KDR: variants seen among roughly 807,000 people sequenced by gnomAD.
KDR encodes kinase insert domain receptor.
In KDR, 43 loss-of-function variants were observed where a neutral mutation model predicts 160.9. That is an observed-to-expected ratio of 0.27 (90% CI 0.21 to 0.34). The LOEUF (loss-of-function observed/expected upper bound fraction) is 0.34, where lower values mean the gene tolerates loss of function less well. Ranked by LOEUF, KDR falls within the 10% of genes least tolerant of loss-of-function variation. The pLI is 1.00. For synonymous variants in KDR, 617 were observed against 600.1 expected, an observed-to-expected ratio of 1.03 and a Z score of -0.41; for missense variants, 1,469 against 1,666.4, an observed-to-expected ratio of 0.88 and a Z score of 2.06.
rs1158232863 is a variant in KDR, at chr4:55,079,121, C to A, written c.*820G>T. ...AGAACTCTTCAACACGGCAGGGAGC[C>A]TTGAGCTGAATGTCCTTTCTTTGTG... On this transcript the variant is annotated 3_prime_UTR_variant, in exon 30 of 30. Coordinates refer to ENST00000263923, the MANE Select transcript of KDR (RefSeq NM_002253.4). 1 of 233,236 alleles carries A rather than the reference C, an allele frequency of 4.3e-6. No individual in the cohort carries two copies. Among genetic ancestry groups the A allele is most frequent in the African/African-American group, 2.2e-5 (1 of 45,328 alleles). The allele number at this position is 233,236 out of a possible 1,614,324, so 14.4% of individuals were successfully genotyped here. A position where few individuals can be genotyped will look rare whatever the true frequency, so the allele number is the denominator to read the frequency against.
At chr4:55,085,774 G>A (rs1719847597) in intron 27 of KDR, among the ~76,000 whole-genome samples, 1 of 152,216 alleles carries the variant, frequency 6.6e-6, no homozygotes, top group South Asian at 2.1e-4. Flanking sequence ...CAGAAAATAG[G>A]AGCCAGGCCT....
In KDR at chr4:55,120,861, T is replaced by TGTGC. The variant is rs141560961; in HGVS notation, c.161+235_161+236insGCAC. 1.2e-4 allele frequency among the ~76,000 whole-genome samples: 18 copies of TGTGC among 151,774 alleles called. No individual in the cohort carries two copies. In the South Asian group the frequency reaches 3.5e-3, roughly 30 times the overall value. ...GTGTGTATTTGTGTGCGTGTGTGTG[T>TGTGC]GTGTGTGTGTATGCATGTTGGCAGA... On this transcript the variant is annotated intron_variant, in intron 2 of 29. Transcript: ENST00000263923.
At chr4:55,089,072 G>A (rs1371202036) in intron 25 of KDR, 99 bp from the exon 26 acceptor site, 1 of 836,654 alleles carries the variant, frequency 1.2e-6, no homozygotes, top group Non-Finnish European at 2.0e-6. Context: ...AGCTGACGAG[G>A]TGAGATGCTA....
chr4:55,112,393 GGAA>G (rs1257508123), intron 7 of KDR, among the ~76,000 whole-genome samples: 8 of 151,884 alleles, frequency 5.3e-5, no homozygotes, highest in Non-Finnish European at 1.2e-4. Flanking sequence ...TAGCTTTATT[GGAA>G]GAATACAGTA....
chr4:55,085,017 A>G (rs1174461060), intron 27 of KDR, among the ~76,000 whole-genome samples: 1 of 152,228 alleles, frequency 6.6e-6, no homozygotes, highest in African/African-American at 2.4e-5. Context: ...CCTAACAATT[A>G]CAAAATGAAG....
At position 55,110,548 on chromosome 4, in the gene KDR, G is replaced by C. The variant is rs202076044; in HGVS notation, c.1110C>G (p.Pro370=). The C allele has an allele frequency of 2.5e-6, 4 of 1,613,794 alleles. No homozygotes were observed. The highest frequency in any genetic ancestry group is 2.2e-5 in the South Asian group (2 of 91,072). The part of the protein sequence containing the change: ...PEIKWYKNGI[P]LESNHTIKAG... ...CTTTAATTGTGTGATTGGACTCAAG[G>C]GGTATTCCATTTTTATACCTATGAA... is the stretch of plus-strand genomic sequence containing the variant. Residue 370 remains proline (P), a synonymous_variant, in exon 9 of 30, where the codon CCC becomes CCG. Transcript: ENST00000263923.
rs189413564 is a variant in KDR at position 55,101,989 on chromosome 4, C to T, written c.2174G>A (p.Arg725His). The T allele has an allele frequency of 1.9e-6, 3 of 1,613,534 alleles. No homozygotes were observed. Among genetic ancestry groups the T allele is most frequent in the Non-Finnish European group, 2.5e-6 (3 of 1,179,630 alleles). ...LKDGNRNLTI[R>H]RVRKEDEGLY... ...GCCTTCGTCCTCCTTCCTCACTCTG[C>T]GGATAGTGAGGTTCCGGTTCCCATC... The change falls in exon 15 of 30, where the codon CGC (arginine) becomes CAC (histidine). Residue 725 changes from arginine to histidine, a missense_variant. By Grantham distance (29) the Arg-to-His change is conservative. Transcript: ENST00000263923.
chr4:55,090,190 C>G, intron 22 of KDR, 112 bp from the exon 23 acceptor site: 1 of 1,225,618 alleles, frequency 8.2e-7, no homozygotes, highest in Non-Finnish European at 1.2e-6. Context: ...AACTGATTAA[C>G]AAGGACTGGG....
At chr4:55,095,514 G>A in intron 20 of KDR, 63 bp downstream of exon 20, 1 of 1,214,008 alleles carries the variant, frequency 8.2e-7, no homozygotes, top group Non-Finnish European at 1.2e-6. Context: ...AAACTAACCT[G>A]TACCATTTTG....
At chr4:55,087,200 C>T (rs1719886146) in intron 27 of KDR, among the ~76,000 whole-genome samples, 1 of 152,240 alleles carries the variant, frequency 6.6e-6, no homozygotes, top group Non-Finnish European at 1.5e-5. Flanking sequence ...GAGCCATAAG[C>T]ATGTTCTCAT....
At chr4:55,102,256 C>T (rs1310204429) in intron 14 of KDR, 106 bp downstream of exon 14, 1 of 1,398,886 alleles carries the variant, frequency 7.1e-7, no homozygotes, top group Non-Finnish European at 1.0e-6. Flanking sequence ...GTCATGGACA[C>T]CAATACTGCT....
At chr4:55,111,408 C>T (rs567542798) in intron 7 of KDR, among the ~76,000 whole-genome samples, 2 of 152,252 alleles carry the variant, frequency 1.3e-5, no homozygotes, top group Admixed American at 6.5e-5. Context: ...TGCTAACGCT[C>T]GAGTCATCTT....
At chr4:55,107,160 T>C (rs961364936) in intron 10 of KDR, among the ~76,000 whole-genome samples, 2 of 152,272 alleles carry the variant, frequency 1.3e-5, no homozygotes, top group African/African-American at 4.8e-5. Flanking sequence ...ATGGTCTCTG[T>C]GAAGGAAATG....
At chr4:55,119,709 G>C (rs1720819261) in intron 2 of KDR, among the ~76,000 whole-genome samples, 1 of 152,140 alleles carries the variant, frequency 6.6e-6, no homozygotes, top group Non-Finnish European at 1.5e-5. Context: ...AGTGAGCAAA[G>C]GGGAGTAAGA....
intron 18 of KDR, among the ~76,000 whole-genome samples, chr4:55,097,352 T>C (rs1720185557): frequency 1.3e-5 from 2 of 152,142 alleles, no homozygotes; most frequent in South Asian, 4.1e-4. Context: ...AGAAACAATT[T>C]TAATATAACC....
chr4:55,095,444 A>G (rs1473826122), intron 20 of KDR, 133 bp downstream of exon 20: 3 of 709,046 alleles, frequency 4.2e-6, no homozygotes, highest in Non-Finnish European at 7.7e-6. Context: ...AGGAAGTTAC[A>G]ACAGCCAAGA....
intron 7 of KDR, among the ~76,000 whole-genome samples, chr4:55,112,845 G>T (rs1475701919): frequency 6.6e-6 from 1 of 152,034 alleles, no homozygotes; most frequent in African/African-American, 2.4e-5. Flanking sequence ...ATGGATTTTT[G>T]ACTGCAGAGG....
At chr4:55,098,615 G>A (rs375668472) in intron 16 of KDR, 82 bp downstream of exon 16, 1 of 1,058,682 alleles carries the variant, frequency 9.4e-7, no homozygotes, top group African/African-American at 1.6e-5. Flanking sequence ...ACAATGGGAA[G>A]AAACAACTCA....
rs1721005316 is a variant in KDR at position 55,125,344 on chromosome 4, C to T, written c.-51G>A. 1.9e-6 allele frequency: 3 copies of T among 1,566,494 alleles called. No homozygotes were observed. The highest frequency in any genetic ancestry group is 2.7e-5 in the African/African-American group (2 of 74,114). ...CCCAGAACTCGGGAGCCGGTTCTTT[C>T]TCCCAGCGCCTGTCTAGAGAAGGAG... On this transcript the variant is annotated 5_prime_UTR_variant, in exon 1 of 30. Coordinates refer to ENST00000263923, the MANE Select transcript of KDR (RefSeq NM_002253.4).
Sources: allele counts gnomAD v4.1 joint callset (sites outside exome capture counted in the v4.1 genomes callset), GRCh38; gene constraint gnomAD v4.1.1; transcripts MANE v1.5; gene names NCBI Gene and HGNC (gene_info 2026-07-23, HGNC 2026-07-21).